Variants in PNMA8C observed in about 807,000 individuals in gnomAD.
PNMA8C encodes the protein paraneoplastic antigen-like protein 8C.
In PNMA8C at chr19:46,428,159, G is replaced by A. The variant is rs1467394195; in HGVS notation, c.201C>T (p.Ser67=). ...CCGTCAGCTGAATGATGGCCGCCTT[G>A]GATTTATCTTCTTCCAGATAGGCCT... is the stretch of plus-strand genomic sequence containing the variant. The part of the protein sequence containing the change: ...AGKAYLEEDK[S]KAAIIQLTED... Residue 67 remains serine, a synonymous_variant, in exon 1 of 1, where the codon TCC becomes TCT. Transcript: ENST00000617053. 1 of 398,568 alleles carries A rather than the reference G, an allele frequency of 2.5e-6. No individual in the cohort carries two copies. Among genetic ancestry groups the A allele is most frequent in the African/African-American group, 2.1e-5 (1 of 48,624 alleles). The allele number at this position is 398,568 out of a possible 1,614,324, so 24.7% of individuals were successfully genotyped here.
Position 46,427,859 on chromosome 19 carries a change from C to T in PNMA8C, c.501G>A (p.Val167=), listed in dbSNP as rs1269909925. Residue 167 remains valine, a synonymous_variant, in exon 1 of 1, where the codon GTG becomes GTA. Coordinates refer to ENST00000617053, the MANE Select transcript of PNMA8C (RefSeq NM_001386793.1). ...TCTCGGAGGAGTCCAGAGGTGGCAC[C>T]ACGTCCATCTGGACGGTGGCCCCAG... The part of the protein sequence containing the change: ...PEAGATVQMD[V]VPPLDSSEKE... 7 of 398,506 alleles carry T rather than the reference C, an allele frequency of 1.8e-5. No individual in the cohort carries two copies. Among genetic ancestry groups the T allele is most frequent in the Non-Finnish European group, 3.1e-5 (7 of 226,100 alleles). The allele number at this position is 398,506 out of a possible 1,614,324, so 24.7% of individuals were successfully genotyped here.
chr19:46,425,317 T>C lies in PNMA8C; in HGVS notation c.*2428A>G, dbSNP rs7248571. 0.59 allele frequency: 89,932 copies of C among 152,048 alleles called. 26,816 individuals carry two copies. Among genetic ancestry groups the C allele is most frequent in the South Asian group, 0.68 (3,293 of 4,814 alleles). 9.4% of individuals were successfully genotyped at this position (152,048 alleles called of 1,614,324 possible). A position where few individuals can be genotyped will look rare whatever the true frequency, so the allele number is the denominator to read the frequency against. The stretch of plus-strand genomic sequence containing the variant: ...AGGAATAGAAAAATCAGGCCGGGCG[T>C]GGTGGCTCACGCCTGTAATCCCAAC... On this transcript the variant is annotated 3_prime_UTR_variant, in exon 1 of 1. Coordinates refer to ENST00000617053, the MANE Select transcript of PNMA8C (RefSeq NM_001386793.1).
rs796765006 is a variant in PNMA8C at position 46,425,161 on chromosome 19, T to C, written c.*2584A>G. 2 of 152,286 alleles carry C rather than the reference T, an allele frequency of 1.3e-5. No individual in the cohort carries two copies. Among genetic ancestry groups the C allele is most frequent in the Non-Finnish European group, 2.9e-5 (2 of 68,032 alleles). The allele number at this position is 152,286 out of a possible 1,614,324, so 9.4% of individuals were successfully genotyped here. A position where few individuals can be genotyped will look rare whatever the true frequency, so the allele number is the denominator to read the frequency against. ...TTATTATACAACGATTATGCCTTGATGGGAGAGCAGCATGCAACAAACACG... is the reference window on the plus strand; with the variant it reads ...TTATTATACAACGATTATGCCTTGACGGGAGAGCAGCATGCAACAAACACG... On this transcript the variant is annotated 3_prime_UTR_variant, in exon 1 of 1. Transcript: ENST00000617053.
rs1186619078 is a variant in PNMA8C, at chr19:46,426,775, C to G, written c.*970G>C. On this transcript the variant is annotated 3_prime_UTR_variant, in exon 1 of 1. Coordinates refer to ENST00000617053, the MANE Select transcript of PNMA8C (RefSeq NM_001386793.1). Reference sequence around the variant, plus strand: ...GGACCGTTTCCACCTCCTCCATTTTCTGCAAAGGGCGCAGGCGCCTGGGGT... The same window carrying G: ...GGACCGTTTCCACCTCCTCCATTTTGTGCAAAGGGCGCAGGCGCCTGGGGT... 6.6e-6 allele frequency: 1 copy of G among 152,306 alleles called. No homozygotes were observed. Among genetic ancestry groups the G allele is most frequent in the African/African-American group, 2.4e-5 (1 of 41,480 alleles). The allele number at this position is 152,306 out of a possible 1,614,324, so 9.4% of individuals were successfully genotyped here. A position where few individuals can be genotyped will look rare whatever the true frequency, so the allele number is the denominator to read the frequency against.
chr19:46,428,658 C>G lies in PNMA8C; in HGVS notation c.-299G>C, dbSNP rs1969437884. 1 of 309,506 alleles carries G rather than the reference C, an allele frequency of 3.2e-6. No homozygotes were observed. Among genetic ancestry groups the G allele is most frequent in the South Asian group, 1.6e-4 (1 of 6,230 alleles). 19.2% of individuals were successfully genotyped at this position (309,506 alleles called of 1,614,324 possible). ...AGAAGGCGGTGTTTGCCACCTGACT[C>G]GTGGCTCCCGGGTCCTGGGCAAGGC... is the stretch of plus-strand genomic sequence containing the variant. On this transcript the variant is annotated 5_prime_UTR_variant, in exon 1 of 1. Coordinates refer to ENST00000617053, the MANE Select transcript of PNMA8C (RefSeq NM_001386793.1).
At position 46,428,369 on chromosome 19, in the gene PNMA8C, C is replaced by T. The variant is rs11878182; in HGVS notation, c.-10G>A. Reference sequence around the variant, plus strand: ...TCACCCCGAACAGCATCTTGCCCAACTCTTTGAGGCAGCAGTATGCCCGCT... The same window carrying T: ...TCACCCCGAACAGCATCTTGCCCAATTCTTTGAGGCAGCAGTATGCCCGCT... On this transcript the variant is annotated 5_prime_UTR_variant, in exon 1 of 1. Transcript: ENST00000617053. The T allele has an allele frequency of 0.028, 11,017 of 398,704 alleles. 999 individuals carry two copies. Among genetic ancestry groups the T allele is most frequent in the African/African-American group, 0.2 (9,720 of 48,720 alleles). 24.7% of individuals were successfully genotyped at this position (398,704 alleles called of 1,614,324 possible).
rs778391051 is a variant in PNMA8C, at chr19:46,428,751, C to T, written c.-392G>A. On this transcript the variant is annotated 5_prime_UTR_variant, in exon 1 of 1. Coordinates refer to ENST00000617053, the MANE Select transcript of PNMA8C (RefSeq NM_001386793.1). ...CGTGGCCTCCGAAGGTCTCACAGGC[C>T]CCAACGGTCTCTCCGGATCTGGGAC... is the stretch of plus-strand genomic sequence containing the variant. The T allele has an allele frequency of 3.6e-4, 61 of 167,900 alleles. No homozygotes were observed. The highest frequency in any genetic ancestry group is 2.4e-3 in the Admixed American group (38 of 15,696). 10.4% of individuals were successfully genotyped at this position (167,900 alleles called of 1,614,324 possible).
At position 46,426,208 on chromosome 19, in the gene PNMA8C, G is replaced by T. The variant is rs377514374; in HGVS notation, c.*1537C>A. ...AGCCTTGCCTCTTCTTTAGAGAGTG[G>T]AGTTCACTCCTCCTCACCAAGCCAG... On this transcript the variant is annotated 3_prime_UTR_variant, in exon 1 of 1. Coordinates refer to ENST00000617053, the MANE Select transcript of PNMA8C (RefSeq NM_001386793.1). 3 of 152,162 alleles carry T rather than the reference G, an allele frequency of 2.0e-5. No individual in the cohort carries two copies. Among genetic ancestry groups the T allele is most frequent in the Admixed American group, 2.0e-4 (3 of 15,268 alleles). The allele number at this position is 152,162 out of a possible 1,614,324, so 9.4% of individuals were successfully genotyped here.
In PNMA8C at chr19:46,426,081, T is replaced by C. The variant is rs974289261; in HGVS notation, c.*1664A>G. 1 of 152,260 alleles carries C rather than the reference T, an allele frequency of 6.6e-6. No individual in the cohort carries two copies. The highest frequency in any genetic ancestry group is 2.4e-5 in the African/African-American group (1 of 41,474). The allele number at this position is 152,260 out of a possible 1,614,324, so 9.4% of individuals were successfully genotyped here. A position where few individuals can be genotyped will look rare whatever the true frequency, so the allele number is the denominator to read the frequency against. On this transcript the variant is annotated 3_prime_UTR_variant, in exon 1 of 1. Coordinates refer to ENST00000617053, the MANE Select transcript of PNMA8C (RefSeq NM_001386793.1). ...TACTCACATGTATTTGGATTTTACC[T>C]GATTTTTAAAATTCTTCTTCACCTC...
rs895129866 is a variant in PNMA8C, at chr19:46,426,922, C to T, written c.*823G>A. 1 of 152,246 alleles carries T rather than the reference C, an allele frequency of 6.6e-6. No individual in the cohort carries two copies. The highest frequency in any genetic ancestry group is 1.5e-5 in the Non-Finnish European group (1 of 68,050). The allele number at this position is 152,246 out of a possible 1,614,324, so 9.4% of individuals were successfully genotyped here. On this transcript the variant is annotated 3_prime_UTR_variant, in exon 1 of 1. Transcript: ENST00000617053. ...GAAGATATTTGTGGGTCTTTGAGACCCTTCCTCGCTTAGAAATTACTCTCA... is the reference window on the plus strand; with the variant it reads ...GAAGATATTTGTGGGTCTTTGAGACTCTTCCTCGCTTAGAAATTACTCTCA...
At position 46,426,367 on chromosome 19, in the gene PNMA8C, G is replaced by C. The variant is rs977803169; in HGVS notation, c.*1378C>G. ...GAAAGACGACAGCTTTTCAAGAGCC[G>C]CTTACAGATCAGTGAGTTCCTCAGA... On this transcript the variant is annotated 3_prime_UTR_variant, in exon 1 of 1. Coordinates refer to ENST00000617053, the MANE Select transcript of PNMA8C (RefSeq NM_001386793.1). The C allele has an allele frequency of 2.6e-5, 4 of 152,028 alleles. No individual in the cohort carries two copies. The allele number at this position is 152,028 out of a possible 1,614,324, so 9.4% of individuals were successfully genotyped here.
chr19:46,428,281 T>TCAGGGACTTGTAACTGTCCACCTC lies in PNMA8C; in HGVS notation c.55_78dup (p.Glu19_Leu26dup). 1 of 398,692 alleles carries TCAGGGACTTGTAACTGTCCACCTC rather than the reference T, an allele frequency of 2.5e-6. No individual in the cohort carries two copies. Among genetic ancestry groups the TCAGGGACTTGTAACTGTCCACCTC allele is most frequent in the Non-Finnish European group, 4.4e-6 (1 of 226,106 alleles). The allele number at this position is 398,692 out of a possible 1,614,324, so 24.7% of individuals were successfully genotyped here. On this transcript the variant is annotated inframe_insertion, in exon 1 of 1. Transcript: ENST00000617053. ...CAGTCCTCCGGGATCCCCAGGATCA[T>TCAGGGACTTGTAACTGTCCACCTC]CAGGGACTTGTAACTGTCCACCTCC... is the stretch of plus-strand genomic sequence containing the variant.
Position 46,425,587 on chromosome 19 carries a change from CAAAAAAAA to C in PNMA8C, c.*2150_*2157del, listed in dbSNP as rs34559985. 19,883 of 63,330 alleles carry C rather than the reference CAAAAAAAA, an allele frequency of 0.31. 1,802 individuals carry two copies. The highest frequency in any genetic ancestry group is 0.46 in the South Asian group (896 of 1,948). 3.9% of individuals were successfully genotyped at this position (63,330 alleles called of 1,614,324 possible). On this transcript the variant is annotated 3_prime_UTR_variant, in exon 1 of 1. Coordinates refer to ENST00000617053, the MANE Select transcript of PNMA8C (RefSeq NM_001386793.1). ...TGGGCTACAGAAGGAGACTCCACCTCAAAAAAAAAAAAAAAAAAAAAAAAAGAATCAAC... is the reference window on the plus strand; with the variant it reads ...TGGGCTACAGAAGGAGACTCCACCTCAAAAAAAAAAAAAAAAAGAATCAAC...
rs1396600575 is a variant in PNMA8C, at chr19:46,427,045, A to G, written c.*700T>C. 6.6e-6 allele frequency: 1 copy of G among 152,232 alleles called. No homozygotes were observed. Among genetic ancestry groups the G allele is most frequent in the Non-Finnish European group, 1.5e-5 (1 of 68,060 alleles). The allele number at this position is 152,232 out of a possible 1,614,324, so 9.4% of individuals were successfully genotyped here. On this transcript the variant is annotated 3_prime_UTR_variant, in exon 1 of 1. Transcript: ENST00000617053. ...TCAATTATACGCGGATGCCACCCAC[A>G]CACTCTAATGCTACCCACACTCACT...
rs142305533 is a variant in PNMA8C, at chr19:46,428,641, G to T, written c.-282C>A. ...ACGCGTGCTGGAGAAGCAGAAGGCG[G>T]TGTTTGCCACCTGACTCGTGGCTCC... is the stretch of plus-strand genomic sequence containing the variant. On this transcript the variant is annotated 5_prime_UTR_variant, in exon 1 of 1. Coordinates refer to ENST00000617053, the MANE Select transcript of PNMA8C (RefSeq NM_001386793.1). The T allele has an allele frequency of 2.1e-5, 7 of 338,164 alleles. No homozygotes were observed. Among genetic ancestry groups the T allele is most frequent in the Admixed American group, 1.4e-4 (3 of 20,714 alleles). 20.9% of individuals were successfully genotyped at this position (338,164 alleles called of 1,614,324 possible).
At position 46,428,264 on chromosome 19, in the gene PNMA8C, C is replaced by T. The variant is rs1969434944; in HGVS notation, c.96G>A (p.Pro32=). Residue 32 remains proline, a synonymous_variant, in exon 1 of 1, where the codon CCG becomes CCA. Transcript: ENST00000617053. Reference sequence around the variant, plus strand: ...CGAATTCCTCGTGGTTGCAGTCCTCCGGGATCCCCAGGATCATCAGGGACT... The same window carrying T: ...CGAATTCCTCGTGGTTGCAGTCCTCTGGGATCCCCAGGATCATCAGGGACT... ...SYKSLMILGI[P]EDCNHEEFEE... is the part of the protein sequence containing the mutation. 3 of 398,674 alleles carry T rather than the reference C, an allele frequency of 7.5e-6. No individual in the cohort carries two copies. Among genetic ancestry groups the T allele is most frequent in the East Asian group, 3.6e-5 (1 of 28,084 alleles). 24.7% of individuals were successfully genotyped at this position (398,674 alleles called of 1,614,324 possible).
At position 46,424,913 on chromosome 19, in the gene PNMA8C, C is replaced by G. The variant is rs1311712998; in HGVS notation, c.*2832G>C. On this transcript the variant is annotated 3_prime_UTR_variant, in exon 1 of 1. Transcript: ENST00000617053. ...ATGTTTTCACTCAGCTAAGTAGCTT[C>G]AAATGGTGACAGTTTTGCATGACAA... The G allele has an allele frequency of 6.6e-6, 1 of 151,956 alleles. No individual in the cohort carries two copies. Among genetic ancestry groups the G allele is most frequent in the East Asian group, 1.9e-4 (1 of 5,194 alleles). 9.4% of individuals were successfully genotyped at this position (151,956 alleles called of 1,614,324 possible).
rs1475882763 is a variant in PNMA8C, at chr19:46,428,567, G to T, written c.-208C>A. 2.5e-6 allele frequency: 1 copy of T among 393,908 alleles called. No homozygotes were observed. The highest frequency in any genetic ancestry group is 4.5e-6 in the Non-Finnish European group (1 of 223,506). 24.4% of individuals were successfully genotyped at this position (393,908 alleles called of 1,614,324 possible). ...CCTGCCTGCAGGGCTGTGCAACGTC[G>T]GGGCTTCTGTGGCTCCCTCTGAGTG... is the stretch of plus-strand genomic sequence containing the variant. On this transcript the variant is annotated 5_prime_UTR_variant, in exon 1 of 1. Transcript: ENST00000617053.
rs1233570702 is a variant in PNMA8C at position 46,428,094 on chromosome 19, C to G, written c.266G>C (p.Gly89Ala). 2 of 398,588 alleles carry G rather than the reference C, an allele frequency of 5.0e-6. No homozygotes were observed. Among genetic ancestry groups the G allele is most frequent in the African/African-American group, 4.1e-5 (2 of 48,622 alleles). The allele number at this position is 398,588 out of a possible 1,614,324, so 24.7% of individuals were successfully genotyped here. A position where few individuals can be genotyped will look rare whatever the true frequency, so the allele number is the denominator to read the frequency against. The change falls in exon 1 of 1, where the codon GGC becomes GCC. Residue 89 changes from glycine (G) to alanine (A), a missense_variant. By Grantham distance (60) the Gly-to-Ala change is moderately conservative. Transcript: ENST00000617053. The part of the protein sequence containing the change: ...NYAVVPREIK[G>A]KGGVWRVVYM... ...GACCACTCTCCACACACCGCCCTTG[C>G]CCTTGATCTCCCTGGGGACCACGGC...
Sources: gnomAD v4.1 joint callset for allele counts on GRCh38, gnomAD v4.1.1 for gene constraint, MANE v1.5 for transcripts, NCBI Gene and HGNC (gene_info 2026-07-23, HGNC 2026-07-21) for gene names.